Variants in TBPL1 observed in about 807,000 individuals in gnomAD.
TBPL1 encodes TATA-box binding protein like 1.
Under a neutral mutation model 22.1 loss-of-function variants are expected in TBPL1, and 4 were observed. That is an observed-to-expected ratio of 0.18 (90% confidence interval 0.09 to 0.41). TBPL1 has a LOEUF of 0.41. TBPL1 is among the 10% of genes least tolerant of loss of function. TBPL1 has a pLI of 1.00. For missense variants in TBPL1, 115 were observed against 222.3 expected (o/e 0.52, Z 3.07); for synonymous variants, 64 against 71.0 (o/e 0.90, Z 0.50).
At chr6:133,958,944 T>C (rs1583807641) in intron 1 of TBPL1, among the ~76,000 whole-genome samples, 1 of 152,334 alleles carries the variant, frequency 6.6e-6, no homozygotes, top group South Asian at 2.1e-4. Flanking sequence ...TGACTTTTGT[T>C]TTCCTGTTTA....
intron 1 of TBPL1, among the ~76,000 whole-genome samples, chr6:133,958,645 G>C (rs1027859891): frequency 6.6e-6 from 1 of 152,162 alleles, no homozygotes; most frequent in South Asian, 2.1e-4. Context: ...GGAAACTGCT[G>C]ACTAAAAATA....
At chr6:133,983,131 T>G (rs1238064202) in intron 4 of TBPL1, among the ~76,000 whole-genome samples, 2 of 152,200 alleles carry the variant, frequency 1.3e-5, no homozygotes, top group African/African-American at 4.8e-5. Flanking sequence ...CAAGTTAATT[T>G]CCTTTTCAAC....
rs181399236 is a variant in TBPL1 at position 133,984,730 on chromosome 6, C to T, written c.481+59C>T. 369 of 1,368,772 alleles carry T rather than the reference C, an allele frequency of 2.7e-4. 1 individual carries two copies. The African/African-American group carries it at 3.5e-3, about 13-fold the overall frequency. 84.8% of individuals were successfully genotyped at this position (1,368,772 alleles called of 1,614,324 possible). A position where few individuals can be genotyped will look rare whatever the true frequency, so the allele number is the denominator to read the frequency against. ...TATGGATTGAATGATACAAGATGCT[C>T]ATACCAAGATAGAAATAATGTGTGA... On this transcript the variant is annotated intron_variant, in intron 6 of 6. Transcript: ENST00000237264.
At chr6:133,974,329 G>A (rs368510292) in intron 1 of TBPL1, among the ~76,000 whole-genome samples, 1 of 151,970 alleles carries the variant, frequency 6.6e-6, no homozygotes, top group Admixed American at 6.6e-5. Flanking sequence ...TTATACTTTG[G>A]TCAGTTCAGT....
chr6:133,961,667 T>C (rs531968073), intron 1 of TBPL1, among the ~76,000 whole-genome samples: 1 of 152,186 alleles, frequency 6.6e-6, no homozygotes, highest in East Asian at 1.9e-4. Flanking sequence ...GGTTTCACCA[T>C]GTTAATCGGG....
chr6:133,968,002 G>A (rs2114346550), intron 1 of TBPL1, among the ~76,000 whole-genome samples: 1 of 151,544 alleles, frequency 6.6e-6, no homozygotes, highest in East Asian at 1.9e-4. Context: ...GATTATGGGT[G>A]ACTATTTTCT....
chr6:133,965,629 CTG>C (rs1272953675), intron 1 of TBPL1, among the ~76,000 whole-genome samples: 2 of 151,272 alleles, frequency 1.3e-5, no homozygotes, highest in Non-Finnish European at 2.9e-5. Context: ...TTTTAATTCA[CTG>C]TTAAATTTAG....
intron 1 of TBPL1, among the ~76,000 whole-genome samples, chr6:133,954,911 G>A (rs1197604407): frequency 6.6e-6 from 1 of 152,086 alleles, no homozygotes; most frequent in African/African-American, 2.4e-5. Flanking sequence ...CTTCAACTCA[G>A]GCGTTTTCAT....
At chr6:133,970,590 A>G (rs549457849) in intron 1 of TBPL1, among the ~76,000 whole-genome samples, 1 of 151,552 alleles carries the variant, frequency 6.6e-6, no homozygotes, top group East Asian at 1.9e-4. Context: ...TCTGTCACCA[A>G]GGTTTGTTTT....
At chr6:133,965,140 CTT>C (rs1023252859) in intron 1 of TBPL1, among the ~76,000 whole-genome samples, 1 of 152,136 alleles carries the variant, frequency 6.6e-6, no homozygotes, top group Non-Finnish European at 1.5e-5. Context: ...AACTAATAAT[CTT>C]TTAAAAATTA....
At chr6:133,980,057 G>T in intron 1 of TBPL1, 25 bp from the exon 2 acceptor site, 2 of 1,371,130 alleles carry the variant, frequency 1.5e-6, no homozygotes, top group South Asian at 2.0e-5. Context: ...TAAGTTTAAT[G>T]ACTTTATTTT....
At chr6:133,972,621 A>G (rs1776243639) in intron 1 of TBPL1, among the ~76,000 whole-genome samples, 1 of 152,226 alleles carries the variant, frequency 6.6e-6, no homozygotes, top group Non-Finnish European at 1.5e-5. Context: ...TTTGCAAAAC[A>G]GGCACTGGCC....
At chr6:133,982,294 A>G (rs1467228389) in intron 2 of TBPL1, among the ~76,000 whole-genome samples, 2 of 152,228 alleles carry the variant, frequency 1.3e-5, no homozygotes, top group African/African-American at 4.8e-5. Flanking sequence ...TGAGAGTTGA[A>G]TTGTTTATAT....
chr6:133,959,650 T>C (rs1775987972), intron 1 of TBPL1, among the ~76,000 whole-genome samples: 1 of 152,058 alleles, frequency 6.6e-6, no homozygotes, highest in African/African-American at 2.4e-5. Context: ...CCTGGCCATT[T>C]TTTTGTATTT....
intron 6 of TBPL1, among the ~76,000 whole-genome samples, chr6:133,986,458 G>C (rs1490144933): frequency 6.6e-6 from 1 of 152,080 alleles, no homozygotes; most frequent in African/African-American, 2.4e-5. Flanking sequence ...GACCAGATTG[G>C]TAATAAATAT....
At chr6:133,982,242 G>T (rs1427628549) in intron 2 of TBPL1, among the ~76,000 whole-genome samples, 1 of 152,204 alleles carries the variant, frequency 6.6e-6, no homozygotes, top group East Asian at 1.9e-4. Context: ...TTTGGTGTGT[G>T]TGAAGAACCA....
intron 1 of TBPL1, among the ~76,000 whole-genome samples, chr6:133,964,681 C>T (rs915985820): frequency 1.3e-4 from 20 of 152,048 alleles, no homozygotes; most frequent in African/African-American, 4.3e-4. Flanking sequence ...ATCTCCTGAC[C>T]TCGTGATCCA....
At chr6:133,969,547 A>C (rs967848507) in intron 1 of TBPL1, among the ~76,000 whole-genome samples, 1 of 152,164 alleles carries the variant, frequency 6.6e-6, no homozygotes, top group African/African-American at 2.4e-5. Context: ...CTTTCACTTA[A>C]GCATTTGTTA....
At position 133,987,957 on chromosome 6, in the gene TBPL1, T is replaced by C. The variant is rs1776562193; in HGVS notation, c.*917T>C. On this transcript the variant is annotated 3_prime_UTR_variant, in exon 7 of 7. Transcript: ENST00000237264. Reference sequence around the variant, plus strand: ...TGCCTCATTTGGACCTTTGTTTTTCTGGAAAGACTCAACACCTGTAGTTGT... The same window carrying C: ...TGCCTCATTTGGACCTTTGTTTTTCCGGAAAGACTCAACACCTGTAGTTGT... 6.6e-6 allele frequency: 1 copy of C among 152,196 alleles called. No homozygotes were observed. Among genetic ancestry groups the C allele is most frequent in the Admixed American group, 6.6e-5 (1 of 15,258 alleles). 9.4% of individuals were successfully genotyped at this position (152,196 alleles called of 1,614,324 possible).
Sources: allele counts gnomAD v4.1 joint callset (sites outside exome capture counted in the v4.1 genomes callset), GRCh38; gene constraint gnomAD v4.1.1; transcripts MANE v1.5; gene names NCBI Gene and HGNC (gene_info 2026-07-23, HGNC 2026-07-21).